ZG16: variants seen among roughly 807,000 people sequenced by gnomAD.
The protein encoded by ZG16 is zymogen granule membrane protein 16.
In ZG16, 9 loss-of-function variants were observed where a neutral mutation model predicts 15.6. That is an observed-to-expected ratio of 0.58 (90% CI 0.35 to 1.00). The LOEUF (loss-of-function observed/expected upper bound fraction) is 1.00. Among genes scored for constraint, ZG16 ranks in the 50% least tolerant of loss-of-function variants. The pLI, the probability that ZG16 is intolerant of heterozygous loss-of-function variation, is 0.02. For missense variants in ZG16, 174 were observed against 214.8 expected, an observed-to-expected ratio of 0.81 and a Z score of 1.19; for synonymous variants, 89 against 87.4, an observed-to-expected ratio of 1.02 and a Z score of -0.10.
At chr16:29,779,373 G>A (rs1355482149) in intron 2 of ZG16, 52 bp downstream of exon 2, 7 of 1,536,212 alleles carry the variant, frequency 4.6e-6, no homozygotes, top group Non-Finnish European at 6.1e-6. Flanking sequence ...GGCAGCCTTG[G>A]GCACTGCTGT....
Position 29,780,489 on chromosome 16 carries a change from T to C in ZG16, c.*70T>C. 8.0e-7 allele frequency: 1 copy of C among 1,256,570 alleles called. No individual in the cohort carries two copies. The highest frequency in any genetic ancestry group is 1.0e-6 in the Non-Finnish European group (1 of 972,632). 77.8% of individuals were successfully genotyped at this position (1,256,570 alleles called of 1,614,324 possible). ...CCCTTATCACTAACCCCCATCCAAA[T>C]GGCTCAATAAAAAAAATATGGTTAA... On this transcript the variant is annotated 3_prime_UTR_variant, in exon 4 of 4. Coordinates refer to ENST00000400752, the MANE Select transcript of ZG16 (RefSeq NM_152338.4).
Position 29,779,495 on chromosome 16 carries a change from GC to G in ZG16, c.56-6del. On this transcript the variant is annotated splice_polypyrimidine_tract_variant and intron_variant, in intron 2 of 3. Coordinates refer to ENST00000400752, the MANE Select transcript of ZG16 (RefSeq NM_152338.4). Reference sequence around the variant, plus strand: ...AGATTTCTCCCTCCAACTCCTGCTTGCCCCTCCAGTTCAGGCCAGGTCTTCC... The same window carrying G: ...AGATTTCTCCCTCCAACTCCTGCTTGCCCTCCAGTTCAGGCCAGGTCTTCC... The G allele has an allele frequency of 3.9e-6, 6 of 1,536,534 alleles. No homozygotes were observed. In the South Asian group the frequency reaches 7.1e-5, roughly 18 times the overall value.
rs1302163660 is a variant in ZG16, at chr16:29,781,464, G to T, written c.*1045G>T. ...GGGAAGAAAATTAAAATGAGTGAAG[G>T]TATACGTTAGTTTTGTAAAAGTTAT... On this transcript the variant is annotated 3_prime_UTR_variant, in exon 4 of 4. Coordinates refer to ENST00000400752, the MANE Select transcript of ZG16 (RefSeq NM_152338.4). 1.3e-5 allele frequency: 2 copies of T among 152,180 alleles called. No individual in the cohort carries two copies. Among genetic ancestry groups the T allele is most frequent in the Admixed American group, 6.5e-5 (1 of 15,274 alleles). The allele number at this position is 152,180 out of a possible 1,614,324, so 9.4% of individuals were successfully genotyped here.
In ZG16 at chr16:29,779,333, A is replaced by G. The variant is rs2142353109; in HGVS notation, c.55+12A>G. The G allele has an allele frequency of 6.5e-7, 1 of 1,537,450 alleles. No individual in the cohort carries two copies. The highest frequency in any genetic ancestry group is 1.2e-5 in the South Asian group (1 of 84,046). On this transcript the variant is annotated intron_variant, in intron 2 of 3. Coordinates refer to ENST00000400752, the MANE Select transcript of ZG16 (RefSeq NM_152338.4). ...CTCTGGCAATGCCAGTAAGTGAGAT[A>G]CCAGGAGCCTGGTATTGGGGACTTG...
At position 29,779,523 on chromosome 16, in the gene ZG16, C is replaced by T; in HGVS notation, c.74C>T (p.Ser25Phe). ...SGNAIQARSS[S>F]YSGEYGGGGG... is the part of the protein sequence containing the mutation. ...CCTCCAGTTCAGGCCAGGTCTTCCT[C>T]CTATAGTGGAGAGTATGGAGGTGGT... Residue 25 changes from serine (S) to phenylalanine (F), a missense_variant, in exon 3 of 4, where the codon TCC becomes TTC. By Grantham distance (155) the Ser-to-Phe change is radical (BLOSUM62 -2). Transcript: ENST00000400752. 6.5e-7 allele frequency: 1 copy of T among 1,537,174 alleles called. No homozygotes were observed. Among genetic ancestry groups the T allele is most frequent in the Non-Finnish European group, 8.7e-7 (1 of 1,146,912 alleles).
chr16:29,779,159 C>A, intron 1 of ZG16, 101 bp from the exon 2 acceptor site: 2 of 1,185,344 alleles, frequency 1.7e-6, no homozygotes, highest in Admixed American at 2.0e-5. Flanking sequence ...AGTTGAAGGA[C>A]GAAGAAGGCT....
Position 29,780,350 on chromosome 16 carries a change from G to A in ZG16, c.435G>A (p.Arg145=). Reference sequence around the variant, plus strand: ...CCGTGCTCCGCTTCATCAGTGGCCGGTCTGGTTCTCTCATCGATGCCATTG... The same window carrying A: ...CCGTGCTCCGCTTCATCAGTGGCCGATCTGGTTCTCTCATCGATGCCATTG... ...PNTVLRFISG[R]SGSLIDAIGL... The change falls in exon 4 of 4, where the codon CGG becomes CGA. Residue 145 remains arginine (R), a synonymous_variant. Coordinates refer to ENST00000400752, the MANE Select transcript of ZG16 (RefSeq NM_152338.4). 1.3e-6 allele frequency: 2 copies of A among 1,537,280 alleles called. No individual in the cohort carries two copies. The highest frequency in any genetic ancestry group is 2.4e-5 in the East Asian group (1 of 40,920).
intron 3 of ZG16, among the ~76,000 whole-genome samples, 178 bp downstream of exon 3, chr16:29,779,815 A>T (rs1898602451): frequency 6.6e-6 from 1 of 152,090 alleles, no homozygotes; most frequent in South Asian, 2.1e-4. Flanking sequence ...CTACCGAAGA[A>T]AAACAAAAAA....
chr16:29,780,492 C>A lies in ZG16; in HGVS notation c.*73C>A. 1 of 1,227,448 alleles carries A rather than the reference C, an allele frequency of 8.1e-7. No homozygotes were observed. Among genetic ancestry groups the A allele is most frequent in the African/African-American group, 2.1e-5 (1 of 48,780 alleles). The allele number at this position is 1,227,448 out of a possible 1,614,324, so 76.0% of individuals were successfully genotyped here. ...TTATCACTAACCCCCATCCAAATGG[C>A]TCAATAAAAAAAATATGGTTAAGGC... On this transcript the variant is annotated 3_prime_UTR_variant, in exon 4 of 4. Coordinates refer to ENST00000400752, the MANE Select transcript of ZG16 (RefSeq NM_152338.4).
rs1898631357 is a variant in ZG16 at position 29,782,216 on chromosome 16, C to A, written c.*1797C>A. Reference sequence around the variant, plus strand: ...GCCCCAGCCTCCTCTATGGCAGGGGCCCTGTGGTGGGGAATGAGGACTTCT... The same window carrying A: ...GCCCCAGCCTCCTCTATGGCAGGGGACCTGTGGTGGGGAATGAGGACTTCT... On this transcript the variant is annotated 3_prime_UTR_variant, in exon 4 of 4. Transcript: ENST00000400752. 1 of 152,154 alleles carries A rather than the reference C, an allele frequency of 6.6e-6. No homozygotes were observed. Among genetic ancestry groups the A allele is most frequent in the South Asian group, 2.1e-4 (1 of 4,826 alleles). 9.4% of individuals were successfully genotyped at this position (152,154 alleles called of 1,614,324 possible). A position where few individuals can be genotyped will look rare whatever the true frequency, so the allele number is the denominator to read the frequency against.
At chr16:29,779,443 G>A (rs1567351260) in intron 2 of ZG16, 62 bp from the exon 3 acceptor site, 5 of 1,534,970 alleles carry the variant, frequency 3.3e-6, no homozygotes, top group Non-Finnish European at 4.4e-6. Context: ...AGGAACAGGG[G>A]TGATGCAGAG....
intron 1 of ZG16, 128 bp downstream of exon 1, chr16:29,778,434 C>G (rs1192368262): frequency 1.3e-5 from 2 of 152,242 alleles, no homozygotes; most frequent in Non-Finnish European, 2.9e-5. Context: ...CTGCAGTAAT[C>G]TTAGGTGCAA....
chr16:29,780,434 G>A lies in ZG16; in HGVS notation c.*15G>A, dbSNP rs1596832773. On this transcript the variant is annotated 3_prime_UTR_variant, in exon 4 of 4. Transcript: ENST00000400752. Reference sequence around the variant, plus strand: ...GCAGATGCTGAGCCTCCTCTCCTTGGCAGGGGCACTGTGATGAGGAGTAAG... The same window carrying A: ...GCAGATGCTGAGCCTCCTCTCCTTGACAGGGGCACTGTGATGAGGAGTAAG... 1.8e-5 allele frequency: 28 copies of A among 1,518,052 alleles called. No homozygotes were observed. In the East Asian group the frequency reaches 6.9e-4, roughly 37 times the overall value. The allele number at this position is 1,518,052 out of a possible 1,614,324, so 94.0% of individuals were successfully genotyped here.
At position 29,781,031 on chromosome 16, in the gene ZG16, G is replaced by GATT. The variant is rs1377455767; in HGVS notation, c.*613_*615dup. On this transcript the variant is annotated 3_prime_UTR_variant, in exon 4 of 4. Transcript: ENST00000400752. ...TCCTGCTAAGCCCTCTCAGATCTGG[G>GATT]ATTCCTCCTTCCTCAGGAAGCCACC... The GATT allele has an allele frequency of 6.6e-6, 1 of 152,634 alleles. No individual in the cohort carries two copies. The highest frequency in any genetic ancestry group is 1.5e-5 in the Non-Finnish European group (1 of 68,404). The allele number at this position is 152,634 out of a possible 1,614,324, so 9.5% of individuals were successfully genotyped here.
Position 29,780,398 on chromosome 16 carries a change from C to T in ZG16, c.483C>T (p.Pro161=). ...TTGGCCTGCACTGGGATGTTTACCC[C>T]AGTAGCTGCAGCAGATGCTGAGCCT... ...DAIGLHWDVY[P]SSCSRC is the part of the protein sequence containing the mutation. Residue 161 remains proline (P), a synonymous_variant, in exon 4 of 4, where the codon CCC becomes CCT. Coordinates refer to ENST00000400752, the MANE Select transcript of ZG16 (RefSeq NM_152338.4). The T allele has an allele frequency of 1.3e-6, 2 of 1,532,380 alleles. No individual in the cohort carries two copies. Among genetic ancestry groups the T allele is most frequent in the South Asian group, 1.2e-5 (1 of 83,900 alleles). 94.9% of individuals were successfully genotyped at this position (1,532,380 alleles called of 1,614,324 possible).
In ZG16 at chr16:29,780,207, T is replaced by A; in HGVS notation, c.292T>A (p.Ser98Thr). 1 of 1,537,382 alleles carries A rather than the reference T, an allele frequency of 6.5e-7. No homozygotes were observed. The highest frequency in any genetic ancestry group is 8.7e-7 in the Non-Finnish European group (1 of 1,146,928). The change falls in exon 4 of 4, where the codon TCT (serine) becomes ACT (threonine). Residue 98 changes from serine (S) to threonine (T), a missense_variant. Ser to Thr is a moderately conservative substitution (Grantham distance 58, BLOSUM62 1). Coordinates refer to ENST00000400752, the MANE Select transcript of ZG16 (RefSeq NM_152338.4). The part of the protein sequence containing the change: ...LHPGESVIQV[S>T]GKYKWYLKKL... ...CCCTGGGGAATCAGTGATCCAGGTT[T>A]CTGGGAAGTACAAGTGGTACCTGAA...
Position 29,779,613 on chromosome 16 carries a change from G to T in ZG16, c.164G>T (p.Arg55Leu). The change falls in exon 3 of 4, where the codon CGA becomes CTA. Residue 55 changes from arginine (R) to leucine (L), a missense_variant. Physicochemically the swap from Arg to Leu is moderately radical, Grantham distance 102. Transcript: ENST00000400752. ...GGCCCCATCACCGCCCTCCGGGTCCGAGTCAACACATACTACATCGTAGGG... is the reference window on the plus strand; with the variant it reads ...GGCCCCATCACCGCCCTCCGGGTCCTAGTCAACACATACTACATCGTAGGG... ...LDGPITALRV[R>L]VNTYYIVGLQ... 4.6e-6 allele frequency: 7 copies of T among 1,527,114 alleles called. No individual in the cohort carries two copies. The highest frequency in any genetic ancestry group is 4.4e-6 in the Non-Finnish European group (5 of 1,145,418). 94.6% of individuals were successfully genotyped at this position (1,527,114 alleles called of 1,614,324 possible).
chr16:29,782,305 C>T lies in ZG16; in HGVS notation c.*1886C>T, dbSNP rs1017912058. 19 of 152,176 alleles carry T rather than the reference C, an allele frequency of 1.2e-4. No homozygotes were observed. The highest frequency in any genetic ancestry group is 4.6e-4 in the African/African-American group (19 of 41,442). 9.4% of individuals were successfully genotyped at this position (152,176 alleles called of 1,614,324 possible). A position where few individuals can be genotyped will look rare whatever the true frequency, so the allele number is the denominator to read the frequency against. On this transcript the variant is annotated 3_prime_UTR_variant, in exon 4 of 4. Coordinates refer to ENST00000400752, the MANE Select transcript of ZG16 (RefSeq NM_152338.4). ...TATGGTAGTTGGGCAAGGGGGCTCA[C>T]ACCTGTAATCCCAGCACACTTGTAA...
chr16:29,780,276 G>C lies in ZG16; in HGVS notation c.361G>C (p.Gly121Arg). ...AGACAAGGGCCGCTATCTGTCTTTTGGGAAAGACAGTGGCACAAGTTTCAA... is the reference window on the plus strand; with the variant it reads ...AGACAAGGGCCGCTATCTGTCTTTTCGGAAAGACAGTGGCACAAGTTTCAA... ...VTDKGRYLSF[G>R]KDSGTSFNAV... is the part of the protein sequence containing the mutation. Residue 121 changes from glycine (G) to arginine (R), a missense_variant, in exon 4 of 4, where the codon GGG (glycine) becomes CGG (arginine). Coordinates refer to ENST00000400752, the MANE Select transcript of ZG16 (RefSeq NM_152338.4). The C allele has an allele frequency of 6.5e-7, 1 of 1,537,430 alleles. No individual in the cohort carries two copies.
Sources: allele counts gnomAD v4.1 joint callset (sites outside exome capture counted in the v4.1 genomes callset), GRCh38; gene constraint gnomAD v4.1.1; transcripts MANE v1.5; gene names NCBI Gene and HGNC (gene_info 2026-07-23, HGNC 2026-07-21).